Variants in PCDHGB1 observed in about 807,000 individuals in gnomAD.
The protein encoded by PCDHGB1 is protocadherin gamma subfamily B, 1.
Under a neutral mutation model 56.6 loss-of-function variants are expected in PCDHGB1, and 34 were observed. The ratio of observed to expected loss-of-function variants is 0.60; its 90% CI spans 0.46 to 0.80. The LOEUF is 0.80. Ranked by LOEUF, PCDHGB1 falls within the 30% of genes least tolerant of loss-of-function variation. The pLI, the probability that PCDHGB1 is intolerant of heterozygous loss-of-function variation, is 0.00. For missense variants in PCDHGB1, 1,278 were observed against 1,204.6 expected (o/e 1.06, Z -0.90); for synonymous variants, 561 against 505.9 (o/e 1.11, Z -1.46).
At chr5:141,426,667 A>G in intron 1 of PCDHGB1, 2 of 430,860 alleles carry the variant, frequency 4.6e-6, no homozygotes, top group Non-Finnish European at 9.5e-6. Context: ...ATAAATGATA[A>G]CCCACCTCAT....
At chr5:141,386,930 G>A (rs555182145) in intron 1 of PCDHGB1, among the ~76,000 whole-genome samples, 29 of 152,300 alleles carry the variant, frequency 1.9e-4, no homozygotes, top group African/African-American at 6.0e-4. Flanking sequence ...AATAAGTGCA[G>A]AGGTAGGAAG....
At chr5:141,364,917 T>A in intron 1 of PCDHGB1, 1 of 1,613,946 alleles carries the variant, frequency 6.2e-7, no homozygotes, top group Non-Finnish European at 8.5e-7. Context: ...GAGCTGGTGT[T>A]GGAACAGCCC....
intron 1 of PCDHGB1, among the ~76,000 whole-genome samples, chr5:141,492,206 G>T (rs1180294159): frequency 6.6e-6 from 1 of 152,204 alleles, no homozygotes; most frequent in African/African-American, 2.4e-5. Context: ...TTAGGTGTGC[G>T]CGCGGGGCTC....
chr5:141,478,199 C>T lies in PCDHGB1; in HGVS notation c.2410-16608C>T, dbSNP rs759439765. 3.7e-6 allele frequency: 6 copies of T among 1,614,056 alleles called. No homozygotes were observed. The Middle Eastern group carries it at 6.6e-4, about 178-fold the overall frequency. On this transcript the variant is annotated intron_variant, in intron 1 of 3. Coordinates refer to ENST00000523390, the MANE Select transcript of PCDHGB1 (RefSeq NM_018922.3). ...GAAAAAAAATCTCACCTTTTATCTA[C>T]TTCTTTCTCTAATCCTGGTTTCTGT...
chr5:141,504,158 T>G (rs890874880), intron 2 of PCDHGB1, among the ~76,000 whole-genome samples: 1 of 152,222 alleles, frequency 6.6e-6, no homozygotes, highest in Non-Finnish European at 1.5e-5. Context: ...TGAAATAATT[T>G]CATCCTTGGA....
chr5:141,405,120 A>G (rs1223444295), intron 1 of PCDHGB1: 2 of 1,613,938 alleles, frequency 1.2e-6, no homozygotes, highest in Non-Finnish European at 1.7e-6. Context: ...CACTCCTCGC[A>G]TCTGCTGCGG....
chr5:141,421,389 G>T (rs200646513), intron 1 of PCDHGB1: 1 of 1,613,934 alleles, frequency 6.2e-7, no homozygotes, highest in African/African-American at 1.3e-5. Context: ...AGGACCTGGG[G>T]CTGGAGCCCC....
rs1280755615 is a variant in PCDHGB1 at position 141,431,629 on chromosome 5, A to C, written c.2410-63178A>C. On this transcript the variant is annotated intron_variant, in intron 1 of 3. Transcript: ENST00000523390. This position sits in a 1 kb window ranked among gnomAD's most constrained non-coding sequence, Gnocchi z 4.8. ...GGTATGTGGACGACAAGGCGGCCCA[A>C]GTTTTCAAACTAGATTGTAATTCAG... 6.2e-7 allele frequency: 1 copy of C among 1,614,246 alleles called. No individual in the cohort carries two copies. Among genetic ancestry groups the C allele is most frequent in the South Asian group, 1.1e-5 (1 of 91,090 alleles).
At chr5:141,377,890 C>G (rs1204585448) in intron 1 of PCDHGB1, 1 of 152,090 alleles carries the variant, frequency 6.6e-6, no homozygotes, top group Non-Finnish European at 1.5e-5. Context: ...GATAGGATCC[C>G]CCTCTGTTGC....
chr5:141,364,396 G>A (rs1763298819), intron 1 of PCDHGB1: 4 of 1,604,434 alleles, frequency 2.5e-6, no homozygotes, highest in Non-Finnish European at 3.4e-6. Context: ...TCCTGGGGAC[G>A]CTGTGCGAGC....
intron 1 of PCDHGB1, chr5:141,413,078 C>T: frequency 7.7e-7 from 1 of 1,301,152 alleles, no homozygotes; most frequent in Non-Finnish European, 1.1e-6. Flanking sequence ...AGTGCCCAGG[C>T]TACAGAGACA....
At chr5:141,364,666 C>T in intron 1 of PCDHGB1, 2 of 1,614,024 alleles carry the variant, frequency 1.2e-6, no homozygotes, top group South Asian at 1.1e-5. Flanking sequence ...TGGTTGAGAA[C>T]AAAATGAAAA....
At chr5:141,408,932 A>C in intron 1 of PCDHGB1, 1 of 1,613,594 alleles carries the variant, frequency 6.2e-7, no homozygotes, top group South Asian at 1.1e-5. Context: ...GGTTTTCAGC[A>C]GAGACGAATA....
intron 1 of PCDHGB1, among the ~76,000 whole-genome samples, chr5:141,373,339 C>A (rs1769496946): frequency 6.6e-6 from 1 of 152,172 alleles, no homozygotes; most frequent in African/African-American, 2.4e-5. Context: ...TCTAAAATGG[C>A]AACTCTTGTA....
chr5:141,477,438 C>T lies in PCDHGB1; in HGVS notation c.2410-17369C>T, dbSNP rs1386997844. On this transcript the variant is annotated intron_variant, in intron 1 of 3. Transcript: ENST00000523390. This position sits in a 1 kb window ranked among gnomAD's most constrained non-coding sequence, Gnocchi z 4.9. ...GGAACCCCTTCCCTCTCAGCCCTTA[C>T]AATAGTGCGTGTTCAAGTGTCCGAC... 6.2e-7 allele frequency: 1 copy of T among 1,614,174 alleles called. No homozygotes were observed. The highest frequency in any genetic ancestry group is 8.5e-7 in the Non-Finnish European group (1 of 1,180,030).
intron 1 of PCDHGB1, among the ~76,000 whole-genome samples, chr5:141,424,973 G>A (rs2096851520): frequency 6.6e-6 from 1 of 152,108 alleles, no homozygotes; most frequent in African/African-American, 2.4e-5. Flanking sequence ...AAATTACTTG[G>A]ATATTTATGT....
intron 1 of PCDHGB1, chr5:141,390,423 C>T: frequency 9.4e-7 from 1 of 1,058,546 alleles, no homozygotes; most frequent in Non-Finnish European, 1.3e-6. Context: ...AGTTAAAAAG[C>T]TGTCATATCA....
rs371176166 is a variant in PCDHGB1 at position 141,350,480 on chromosome 5, G to A, written c.220G>A (p.Val74Ile). Residue 74 changes from valine to isoleucine, a missense_variant, in exon 1 of 4, where the codon GTT (valine) becomes ATT (isoleucine). Transcript: ENST00000523390. ...LRVSAEDYFN[V>I]SLESGDLLVN... Reference sequence around the variant, plus strand: ...GGTTAGTGCAGAGGATTATTTCAACGTTAGTTTGGAGAGCGGGGATTTGTT... The same window carrying A: ...GGTTAGTGCAGAGGATTATTTCAACATTAGTTTGGAGAGCGGGGATTTGTT... 6.2e-7 allele frequency: 1 copy of A among 1,613,898 alleles called. No homozygotes were observed. The highest frequency in any genetic ancestry group is 8.5e-7 in the Non-Finnish European group (1 of 1,179,900).
At chr5:141,361,977 C>G in intron 1 of PCDHGB1, 1 of 1,601,656 alleles carries the variant, frequency 6.2e-7, no homozygotes, top group Non-Finnish European at 8.5e-7. Context: ...CCAGCGAGCC[C>G]GGGCTCTTCA....
Sources: allele counts gnomAD v4.1 joint callset (sites outside exome capture counted in the v4.1 genomes callset), GRCh38; gene constraint gnomAD v4.1.1; non-coding constraint Gnocchi (gnomAD v3.1); transcripts MANE v1.5; gene names NCBI Gene and HGNC (gene_info 2026-07-23, HGNC 2026-07-21).